The following GRHL2 variants were observed in gnomAD, a reference collection of about 807,000 sequenced individuals.
GRHL2 encodes grainyhead-like protein 2 homolog.
Under a neutral mutation model 83.8 loss-of-function variants are expected in GRHL2, and 21 were observed. The ratio of observed to expected loss-of-function variants is 0.25; its 90% CI spans 0.18 to 0.36. The LOEUF (loss-of-function observed/expected upper bound fraction) is 0.36. Ranked by LOEUF, GRHL2 falls within the 10% of genes least tolerant of loss-of-function variation. GRHL2 has a pLI of 1.00. For missense variants in GRHL2, 623 were observed against 781.8 expected (o/e 0.80, Z 2.42); for synonymous variants, 280 against 278.9 (o/e 1.00, Z -0.04).
intron 15 of GRHL2, among the ~76,000 whole-genome samples, chr8:101,666,267 T>C (rs1189004677): frequency 6.6e-6 from 1 of 152,196 alleles, no homozygotes; most frequent in Non-Finnish European, 1.5e-5. Flanking sequence ...AGCCTAATGA[T>C]TTAGGTTCTG....
chr8:101,549,935 C>T (rs1201987668), intron 2 of GRHL2, among the ~76,000 whole-genome samples: 1 of 151,706 alleles, frequency 6.6e-6, no homozygotes, highest in African/African-American at 2.4e-5. Context: ...ATAGGAATAA[C>T]TATATTTTAG....
At chr8:101,564,069 C>T in intron 4 of GRHL2, among the ~76,000 whole-genome samples, 1 of 152,072 alleles carries the variant, frequency 6.6e-6, no homozygotes, top group South Asian at 2.1e-4. Flanking sequence ...GTATTTTGGG[C>T]TTTATTTTGA....
chr8:101,590,762 C>A (rs1268503578), intron 7 of GRHL2, among the ~76,000 whole-genome samples: 2 of 152,252 alleles, frequency 1.3e-5, no homozygotes, highest in African/African-American at 4.8e-5. Flanking sequence ...GAGCTCTCAG[C>A]TTTTGTTAAA....
rs768448448 is a variant in GRHL2, at chr8:101,619,577, C to T, written c.1137C>T (p.Ser379=). 12 of 1,613,818 alleles carry T rather than the reference C, an allele frequency of 7.4e-6. No homozygotes were observed. The highest frequency in any genetic ancestry group is 2.7e-5 in the African/African-American group (2 of 75,016). Residue 379 remains serine, a synonymous_variant, in exon 9 of 16, where the codon TCC becomes TCT. Transcript: ENST00000646743. The part of the protein sequence containing the change: ...ITVNCLSTDF[S]SQKGVKGLPL... Reference sequence around the variant, plus strand: ...TGAATTGCTTGAGCACAGATTTCTCCTCCCAAAAAGGGGTGAAAGGACTTC... The same window carrying T: ...TGAATTGCTTGAGCACAGATTTCTCTTCCCAAAAAGGGGTGAAAGGACTTC...
intron 8 of GRHL2, among the ~76,000 whole-genome samples, chr8:101,600,790 G>A (rs541995978): frequency 1.0e-3 from 154 of 152,326 alleles, no homozygotes; most frequent in Middle Eastern, 3.4e-3. Context: ...GAGCAACAGT[G>A]TGACCAGGGA....
chr8:101,520,573 A>G (rs1259769862), intron 1 of GRHL2, among the ~76,000 whole-genome samples: 2 of 152,118 alleles, frequency 1.3e-5, no homozygotes, highest in Non-Finnish European at 2.9e-5. Flanking sequence ...ACAAGAGAAC[A>G]TCTTGTGTTT....
intron 7 of GRHL2, among the ~76,000 whole-genome samples, chr8:101,594,947 C>A (rs1165002437): frequency 6.6e-6 from 1 of 152,140 alleles, no homozygotes; most frequent in Admixed American, 6.5e-5. Flanking sequence ...AGGACATATA[C>A]AAGGTAATGG....
chr8:101,522,278 AT>A (rs1810701160), intron 1 of GRHL2, among the ~76,000 whole-genome samples: 1 of 152,246 alleles, frequency 6.6e-6, no homozygotes, highest in South Asian at 2.1e-4. Context: ...CAGAAAAAAA[AT>A]AATAACAATA....
rs67985027 is a variant in GRHL2, at chr8:101,586,065, C to CTTTTTTTTTTTTTTTTTTTTTTTTTTTT, written c.1003+8571_1003+8572insTTTTTTTTTTTTTTTTTTTTTTTTTTTT. Among the ~76,000 whole-genome samples, 25 of 94,336 alleles carry CTTTTTTTTTTTTTTTTTTTTTTTTTTTT rather than the reference C, an allele frequency of 2.7e-4. 2 individuals are homozygous for CTTTTTTTTTTTTTTTTTTTTTTTTTTTT. Among genetic ancestry groups the CTTTTTTTTTTTTTTTTTTTTTTTTTTTT allele is most frequent in the Non-Finnish European group, 3.3e-4 (16 of 47,854 alleles). The allele number at this position is 94,336 out of a possible 152,430, so 61.9% of individuals were successfully genotyped here. ...TCTTCTTTCCTTCCACCTCATGTTTCTTTTTTTTTTTTTTTTTTTTTTTTT... is the reference window on the plus strand; with the variant it reads ...TCTTCTTTCCTTCCACCTCATGTTTCTTTTTTTTTTTTTTTTTTTTTTTTTTTTTTTTTTTTTTTTTTTTTTTTTTTTT... On this transcript the variant is annotated intron_variant, in intron 7 of 15. Coordinates refer to ENST00000646743, the MANE Select transcript of GRHL2 (RefSeq NM_024915.4).
At position 101,656,873 on chromosome 8, in the gene GRHL2, G is replaced by GACACACAC. The variant is rs35693999; in HGVS notation, c.1698+7400_1698+7407dup. Among the ~76,000 whole-genome samples, 238 of 147,362 alleles carry GACACACAC rather than the reference G, an allele frequency of 1.6e-3. 4 individuals carry two copies. The highest frequency in any genetic ancestry group is 0.016 in the South Asian group (72 of 4,540). On this transcript the variant is annotated intron_variant, in intron 14 of 15. Coordinates refer to ENST00000646743, the MANE Select transcript of GRHL2 (RefSeq NM_024915.4). Reference sequence around the variant, plus strand: ...GTTAGTGTATTTTATGTGTCTAACAGACACACACACACACACACACACACA... The same window carrying GACACACAC: ...GTTAGTGTATTTTATGTGTCTAACAGACACACACACACACACACACACACACACACACA...
At chr8:101,506,004 T>G (rs956522121) in intron 1 of GRHL2, among the ~76,000 whole-genome samples, 3 of 152,260 alleles carry the variant, frequency 2.0e-5, no homozygotes, top group Non-Finnish European at 4.4e-5. Flanking sequence ...CTTTCAGGGC[T>G]AACTAGATTT....
chr8:101,569,685 G>A (rs1210014808), intron 4 of GRHL2, among the ~76,000 whole-genome samples: 1 of 152,108 alleles, frequency 6.6e-6, no homozygotes, highest in African/African-American at 2.4e-5. Flanking sequence ...TGTCCAGGCT[G>A]GTCTGAAACT....
At chr8:101,676,612 G>T in the GRHL2 span, among the ~76,000 whole-genome samples, 1,189 of 152,254 alleles carry the variant, frequency 7.8e-3, 18 homozygotes, top group African/African-American at 0.026. Flanking sequence ...CACTGTTTGT[G>T]GGACTGTAAA....
intron 1 of GRHL2, among the ~76,000 whole-genome samples, chr8:101,526,895 T>G (rs1810818449): frequency 6.6e-6 from 1 of 152,228 alleles, no homozygotes; most frequent in Non-Finnish European, 1.5e-5. Context: ...TCTATACTGC[T>G]TCATGAAGGA....
At chr8:101,589,044 GTAACTTCTAATCCTACGTGCCTA>G in intron 7 of GRHL2, among the ~76,000 whole-genome samples, 1 of 152,196 alleles carries the variant, frequency 6.6e-6, no homozygotes, top group Non-Finnish European at 1.5e-5. Flanking sequence ...ACTTTGGGCA[GTAACTTCTAATCCTACGTGCCTA>G]TAACTTCTTG....
intron 1 of GRHL2, among the ~76,000 whole-genome samples, chr8:101,524,000 C>G (rs1259121660): frequency 6.6e-6 from 1 of 152,072 alleles, no homozygotes; most frequent in African/African-American, 2.4e-5. Flanking sequence ...TTGGATTTGT[C>G]TTATGTTTTC....
chr8:101,496,611 TCAA>T (rs1187817482), intron 1 of GRHL2, among the ~76,000 whole-genome samples: 4 of 151,946 alleles, frequency 2.6e-5, no homozygotes, highest in Non-Finnish European at 5.9e-5. Context: ...TGACACTAAA[TCAA>T]CAAAAAAGTA....
intron 13 of GRHL2, among the ~76,000 whole-genome samples, chr8:101,646,304 A>G (rs4317540): frequency 6.6e-6 from 1 of 152,010 alleles, no homozygotes; most frequent in Admixed American, 6.5e-5. Flanking sequence ...ACACAGGCGA[A>G]ACTAATTATG....
intron 3 of GRHL2, among the ~76,000 whole-genome samples, chr8:101,555,880 C>A (rs928709149): frequency 1.3e-5 from 2 of 152,192 alleles, no homozygotes; most frequent in African/African-American, 4.8e-5. Context: ...TCAAGTCCTG[C>A]TTGGTACTTA....
Sources: gnomAD v4.1 joint callset for allele counts (sites outside exome capture counted in the v4.1 genomes callset) on GRCh38, gnomAD v4.1.1 for gene constraint, MANE v1.5 for transcripts, NCBI Gene and HGNC (gene_info 2026-07-23, HGNC 2026-07-21) for gene names.